ADGRL2: variants seen among roughly 807,000 people sequenced by gnomAD.
The protein encoded by ADGRL2 is calcium-independent alpha-latrotoxin receptor 2.
ADGRL2 carries 44 observed loss-of-function variants against 157.4 expected under a neutral mutation model. That is an observed-to-expected ratio of 0.28 (90% CI 0.22 to 0.36). The LOEUF (loss-of-function observed/expected upper bound fraction) is 0.36, where lower values mean the gene tolerates loss of function less well. Ranked by LOEUF, ADGRL2 falls within the 10% of genes least tolerant of loss-of-function variation. The pLI, the probability that ADGRL2 is intolerant of heterozygous loss-of-function variation, is 1.00. For synonymous variants in ADGRL2, 585 were observed against 624.7 expected (o/e 0.94, Z 0.95); for missense variants, 1,510 against 1,768.9 (o/e 0.85, Z 2.63).
chr1:81,715,709 G>A (rs1407241915), intron 1 of ADGRL2, among the ~76,000 whole-genome samples: 1 of 152,054 alleles, frequency 6.6e-6, no homozygotes, highest in Non-Finnish European at 1.5e-5. Context: ...CATGTCAAAT[G>A]GCCAAGTGCT....
chr1:81,661,349 T>C (rs1271666648), intron 3 of ADGRL2, among the ~76,000 whole-genome samples: 1 of 152,244 alleles, frequency 6.6e-6, no homozygotes, highest in African/African-American at 2.4e-5. Context: ...CTTAAGCATC[T>C]TACTTTTTAA....
At position 81,991,348 on chromosome 1, in the gene ADGRL2, A is replaced by G. The variant is rs1572557839; in HGVS notation, c.*203A>G. ...ACTTTGTATATACACAGAGTATACT[A>G]AAGTGAATTATTTGTTACAAAGAAA... On this transcript the variant is annotated 3_prime_UTR_variant, in exon 24 of 24. Coordinates refer to ENST00000686636, the MANE Select transcript of ADGRL2 (RefSeq NM_001366006.2). 5.0e-6 allele frequency: 2 copies of G among 397,018 alleles called. No individual in the cohort carries two copies. The highest frequency in any genetic ancestry group is 9.8e-5 in the South Asian group (1 of 10,210). The allele number at this position is 397,018 out of a possible 1,614,324, so 24.6% of individuals were successfully genotyped here.
intron 2 of ADGRL2, among the ~76,000 whole-genome samples, chr1:81,532,748 C>T (rs1013180886): frequency 2.0e-5 from 3 of 151,600 alleles, no homozygotes; most frequent in Non-Finnish European, 4.4e-5. Context: ...GACCTCACCA[C>T]TACAAAAAAT....
rs1299503680 is a variant in ADGRL2, at chr1:81,492,845, T to C, written c.-248+47756T>C. Among the ~76,000 whole-genome samples, 6 of 152,184 alleles carry C rather than the reference T, an allele frequency of 3.9e-5. No homozygotes were observed. In the East Asian group the frequency reaches 7.7e-4, roughly 20 times the overall value. ...TAAGTAGGGACTGATGAATAGAGTA[T>C]ACTTCCTTTCTGGATTTCTTCTTCT... On this transcript the variant is annotated intron_variant, in intron 2 of 24. Coordinates refer to the ADGRL2 transcript ENST00000370721.
At chr1:81,407,445 T>C (rs560448924) in intron 1 of ADGRL2, among the ~76,000 whole-genome samples, 1 of 152,358 alleles carries the variant, frequency 6.6e-6, no homozygotes, top group East Asian at 1.9e-4. Context: ...TGGTGTATAA[T>C]GAAAGCTGGA....
chr1:81,920,663 C>A (rs1335856581), intron 3 of ADGRL2, among the ~76,000 whole-genome samples: 1 of 152,080 alleles, frequency 6.6e-6, no homozygotes, highest in African/African-American at 2.4e-5. Context: ...GCTTTTGTTG[C>A]GACTGCACTG....
chr1:81,412,053 T>G (rs2076954974), intron 1 of ADGRL2, among the ~76,000 whole-genome samples: 1 of 152,184 alleles, frequency 6.6e-6, no homozygotes, highest in Non-Finnish European at 1.5e-5. Context: ...TGAGAAATTA[T>G]TTCTACCAAA....
intron 2 of ADGRL2, among the ~76,000 whole-genome samples, chr1:81,580,262 C>T (rs2080880310): frequency 6.6e-6 from 1 of 151,946 alleles, no homozygotes; most frequent in Non-Finnish European, 1.5e-5. Flanking sequence ...GCTGTCTGTG[C>T]TCACAGACAA....
chr1:81,393,801 T>C (rs564650629), intron 1 of ADGRL2, among the ~76,000 whole-genome samples: 5 of 148,930 alleles, frequency 3.4e-5, no homozygotes, highest in Admixed American at 6.9e-5. Context: ...ATCTACTATG[T>C]TAATACTATT....
chr1:81,432,160 C>T (rs564024612), intron 1 of ADGRL2, among the ~76,000 whole-genome samples: 1 of 152,304 alleles, frequency 6.6e-6, no homozygotes, highest in South Asian at 2.1e-4. Flanking sequence ...TGAAATTCCT[C>T]TGGGAAACAT....
chr1:81,471,996 A>C (rs1274058704), intron 2 of ADGRL2, among the ~76,000 whole-genome samples: 1 of 152,184 alleles, frequency 6.6e-6, no homozygotes, highest in Admixed American at 6.5e-5. Flanking sequence ...CTAACCCTCA[A>C]ATTACAGTAA....
chr1:81,343,191 G>T (rs1358838577), intron 1 of ADGRL2, among the ~76,000 whole-genome samples: 1 of 146,004 alleles, frequency 6.8e-6, no homozygotes, highest in Non-Finnish European at 1.5e-5. Flanking sequence ...CAGGGTCCAA[G>T]CAATTGTCAC....
intron 17 of ADGRL2, among the ~76,000 whole-genome samples, chr1:81,978,209 T>G (rs1558038703): frequency 6.6e-6 from 1 of 151,698 alleles, no homozygotes; most frequent in Non-Finnish European, 1.5e-5. Flanking sequence ...AGGCAGAAAT[T>G]GTGTCTTACC....
chr1:81,531,966 A>C (rs940296322), intron 2 of ADGRL2, among the ~76,000 whole-genome samples: 2 of 152,072 alleles, frequency 1.3e-5, no homozygotes, highest in Non-Finnish European at 2.9e-5. Flanking sequence ...AATGATTTGA[A>C]TTTCCCTCTT....
At chr1:81,710,815 C>T (rs537991167) in intron 1 of ADGRL2, among the ~76,000 whole-genome samples, 28 of 150,820 alleles carry the variant, frequency 1.9e-4, no homozygotes, top group African/African-American at 6.8e-4. Context: ...GATAAATGTG[C>T]TATTCTTCTT....
intron 2 of ADGRL2, among the ~76,000 whole-genome samples, chr1:81,905,948 G>C (rs889531262): frequency 1.2e-4 from 4 of 33,652 alleles, no homozygotes; most frequent in Non-Finnish European, 1.9e-4. Context: ...AAAAAGCAGA[G>C]TGTGTGTGTG....
chr1:81,441,556 A>ACATT (rs369163300), intron 1 of ADGRL2, among the ~76,000 whole-genome samples: 12 of 152,218 alleles, frequency 7.9e-5, no homozygotes, highest in African/African-American at 2.6e-4. Context: ...ACGGAGTCTC[A>ACATT]CATTGTCACC....
chr1:81,978,233 A>G (rs1478526678), intron 17 of ADGRL2, among the ~76,000 whole-genome samples: 1 of 151,706 alleles, frequency 6.6e-6, no homozygotes, highest in African/African-American at 2.4e-5. Flanking sequence ...TCCACAATAC[A>G]ATAAGCACAT....
chr1:81,823,483 C>T (rs111898461), intron 1 of ADGRL2, among the ~76,000 whole-genome samples: 4 of 151,350 alleles, frequency 2.6e-5, no homozygotes, highest in African/African-American at 7.3e-5. Flanking sequence ...TATGTGCTAG[C>T]TCTTTGTCAG....
Sources: gnomAD v4.1 joint callset for allele counts (sites outside exome capture counted in the v4.1 genomes callset) on GRCh38, gnomAD v4.1.1 for gene constraint, MANE v1.5 for transcripts, NCBI Gene and HGNC (gene_info 2026-07-23, HGNC 2026-07-21) for gene names.